The following MAPKBP1 variants were observed in gnomAD, a reference collection of about 807,000 sequenced individuals.
MAPKBP1 encodes the protein mitogen-activated protein kinase binding protein 1.
In MAPKBP1, 71 loss-of-function variants were observed where a neutral mutation model predicts 170.5. The observed-to-expected ratio is 0.42, with a 90% confidence interval of 0.34 to 0.51. MAPKBP1 has a LOEUF of 0.51. Among genes scored for constraint, MAPKBP1 ranks in the 20% least tolerant of loss-of-function variants. The probability of loss-of-function intolerance (pLI) is 0.06; values close to 1 mark genes in which losing one functional copy is unlikely to be tolerated. For synonymous variants in MAPKBP1, 719 were observed against 757.9 expected (o/e 0.95, Z 0.84); for missense variants, 1,598 against 1,933.0 (o/e 0.83, Z 3.25).
Position 41,819,771 on chromosome 15 carries a change from G to A in MAPKBP1, c.2481+121G>A, listed in dbSNP as rs561912601. ...TGGGGTCTGCCCACATGCTGCACTC[G>A]TGTGTCCAAGGAAGGCCTTGTCGGG... On this transcript the variant is annotated intron_variant, in intron 22 of 30. Transcript: ENST00000457542. 36 of 1,026,516 alleles carry A rather than the reference G, an allele frequency of 3.5e-5. No homozygotes were observed. The South Asian group carries it at 4.3e-4, about 12-fold the overall frequency. The allele number at this position is 1,026,516 out of a possible 1,614,324, so 63.6% of individuals were successfully genotyped here.
Position 41,812,646 on chromosome 15 carries a change from C to T in MAPKBP1, c.629C>T (p.Thr210Ile), listed in dbSNP as rs200340654. ...IKFWYLDDSK[T>I]SKVNATVPLL... ...TTCTGGTATCTCGATGACAGCAAGA[C>T]CTCAAAGGTGAGGTGCTGAAGCTGG... The change falls in exon 7 of 31, where the codon ACC (threonine) becomes ATC (isoleucine). Residue 210 changes from threonine to isoleucine, a missense_variant. Around this residue, in one of 6 missense-constraint regions of MAPKBP1, gnomAD observed 430 missense variants for 617.2 expected, o/e 0.70. Coordinates refer to ENST00000457542, the MANE Select transcript of MAPKBP1 (RefSeq NM_014994.3). 1.2e-6 allele frequency: 2 copies of T among 1,601,558 alleles called. No individual in the cohort carries two copies. The highest frequency in any genetic ancestry group is 1.7e-6 in the Non-Finnish European group (2 of 1,172,598).
At chr15:41,811,581 C>T (rs948780576) in intron 5 of MAPKBP1, 11 of 614,578 alleles carry the variant, frequency 1.8e-5, no homozygotes, top group Admixed American at 8.5e-5. Context: ...TCCTTACCCC[C>T]GGGGGCCCCC....
chr15:41,817,939 G>GC lies in MAPKBP1; in HGVS notation c.1905-69dup, dbSNP rs2064921345. ...GAGTGTAGACTGGGAGTGAAAGCTG[G>GC]CATTTCCATCCCCCAGGCGTGTTCC... is the stretch of plus-strand genomic sequence containing the variant. On this transcript the variant is annotated intron_variant, in intron 16 of 30. Coordinates refer to ENST00000457542, the MANE Select transcript of MAPKBP1 (RefSeq NM_014994.3). This position sits in a 1 kb window ranked among gnomAD's most constrained non-coding sequence, Gnocchi z 4.2. The GC allele has an allele frequency of 6.5e-7, 1 of 1,549,892 alleles. No homozygotes were observed. Among genetic ancestry groups the GC allele is most frequent in the Non-Finnish European group, 8.9e-7 (1 of 1,122,580 alleles).
rs773147262 is a variant in MAPKBP1 at position 41,823,701 on chromosome 15, C to T, written c.3853C>T (p.Pro1285Ser). 4 of 1,614,200 alleles carry T rather than the reference C, an allele frequency of 2.5e-6. No individual in the cohort carries two copies. In the South Asian group the frequency reaches 4.4e-5, roughly 18 times the overall value. Residue 1285 changes from proline (P) to serine (S), a missense_variant, in exon 29 of 31, where the codon CCC becomes TCC. Physicochemically the swap from Pro to Ser is moderately conservative, Grantham distance 74. Transcript: ENST00000457542. ...RVSPLSKLAL[P>S]SRAHLVLDIP... ...CTCACCACTCAGCAAGCTGGCCCTG[C>T]CCAGCCGGGCTCACCTGGTCCTGGA... is the stretch of plus-strand genomic sequence containing the variant.
At chr15:41,801,085 A>G (rs2064585041) in intron 3 of MAPKBP1, among the ~76,000 whole-genome samples, 1 of 152,216 alleles carries the variant, frequency 6.6e-6, no homozygotes, top group Non-Finnish European at 1.5e-5. Context: ...TCGCTACCTT[A>G]TTCCTTTTTG....
chr15:41,808,405 C>T (rs904763059), intron 3 of MAPKBP1, among the ~76,000 whole-genome samples: 1 of 151,564 alleles, frequency 6.6e-6, no homozygotes, highest in African/African-American at 2.4e-5. Flanking sequence ...ACTCCCGGCT[C>T]TGTTATAATT....
chr15:41,786,980 C>A (rs1294520052), intron 2 of MAPKBP1, among the ~76,000 whole-genome samples: 1 of 150,638 alleles, frequency 6.6e-6, no homozygotes, highest in Non-Finnish European at 1.5e-5. Context: ...CTCAGTACAA[C>A]CTCTGCCTCC....
In MAPKBP1 at chr15:41,825,382, A is replaced by G. The variant is rs1052866901; in HGVS notation, c.4473A>G (p.Gln1491=). Residue 1491 remains glutamine, a synonymous_variant, in exon 31 of 31, where the codon CAA becomes CAG. Transcript: ENST00000457542. ...GAEQTQALLE[Q]YSELLLRAVE... The stretch of plus-strand genomic sequence containing the variant: ...AGCAGACACAGGCCCTGCTGGAGCA[A>G]TACTCAGAACTGTTGCTTCGAGCCG... 2 of 1,613,544 alleles carry G rather than the reference A, an allele frequency of 1.2e-6. No homozygotes were observed. The highest frequency in any genetic ancestry group is 2.2e-5 in the South Asian group (2 of 91,088).
Position 41,820,999 on chromosome 15 carries a change from G to T in MAPKBP1, c.2649G>T (p.Ser883=). The T allele has an allele frequency of 3.7e-6, 6 of 1,614,166 alleles. No homozygotes were observed. Among genetic ancestry groups the T allele is most frequent in the Non-Finnish European group, 5.1e-6 (6 of 1,180,018 alleles). The change falls in exon 23 of 31, where the codon TCG becomes TCT. Residue 883 remains serine, a synonymous_variant. Transcript: ENST00000457542. ...GCCTGCAGGACCCTAGCCAGGACTC[G>T]CTGGCCATCATCCCATCTGGTCCCA... The part of the protein sequence containing the change: ...APSLQDPSQD[S]LAIIPSGPRK...
chr15:41,786,783 T>TATATATATATATA (rs2064304706), intron 2 of MAPKBP1, among the ~76,000 whole-genome samples: 1 of 61,762 alleles, frequency 1.6e-5, no homozygotes, highest in Non-Finnish European at 3.2e-5. Flanking sequence ...AAAAAATATA[T>TATATATATATATA]ATATATATAT....
chr15:41,793,730 C>T (rs2064435428), intron 2 of MAPKBP1, among the ~76,000 whole-genome samples: 1 of 152,166 alleles, frequency 6.6e-6, no homozygotes, highest in Non-Finnish European at 1.5e-5. Context: ...AAAAATCCCC[C>T]TGGCTTAAGC....
Position 41,812,981 on chromosome 15 carries a change from A to T in MAPKBP1, c.699A>T (p.Leu233=). 1.2e-6 allele frequency: 2 copies of T among 1,613,904 alleles called. No homozygotes were observed. Among genetic ancestry groups the T allele is most frequent in the South Asian group, 1.1e-5 (1 of 91,048 alleles). The change falls in exon 8 of 31, where the codon CTA becomes CTT. Residue 233 remains leucine (L), a synonymous_variant. Transcript: ENST00000457542. Reference sequence around the variant, plus strand: ...TGCTGGGAGAGCTACGGAACAACCTATTCACTGATGTGGCCTGTGGCAGAG... The same window carrying T: ...TGCTGGGAGAGCTACGGAACAACCTTTTCACTGATGTGGCCTGTGGCAGAG... ...SGLLGELRNN[L]FTDVACGRGK... is the part of the protein sequence containing the mutation.
In MAPKBP1 at chr15:41,803,413, CAAAA is replaced by C. The variant is rs1166671811; in HGVS notation, c.206+3518_206+3521del. ...TGAGCGGCTGAGCAAGACTCCATCT[CAAAA>C]AAAAAAAAAAAAAAAAAAGGTTAAG... On this transcript the variant is annotated intron_variant, in intron 3 of 30. Transcript: ENST00000457542. 1.2e-3 allele frequency among the ~76,000 whole-genome samples: 14 copies of C among 11,274 alleles called. 2 individuals are homozygous for C. The highest frequency in any genetic ancestry group is 0.03 in the East Asian group (2 of 66). The allele number at this position is 11,274 out of a possible 152,430, so 7.4% of individuals were successfully genotyped here.
At chr15:41,786,816 C>CT (rs370413261) in intron 2 of MAPKBP1, among the ~76,000 whole-genome samples, 1,441 of 94,692 alleles carry the variant, frequency 0.015, 46 homozygotes, top group African/African-American at 0.059. Context: ...GTATAATAAG[C>CT]TTTTTTTGTT....
chr15:41,786,553 A>G (rs2064292159), intron 2 of MAPKBP1, among the ~76,000 whole-genome samples: 2 of 151,576 alleles, frequency 1.3e-5, no homozygotes, highest in Admixed American at 1.3e-4. Context: ...TCACAAGGTC[A>G]GGAGATAGAG....
chr15:41,788,003 G>T (rs2064329331), intron 2 of MAPKBP1, among the ~76,000 whole-genome samples: 1 of 151,924 alleles, frequency 6.6e-6, no homozygotes, highest in South Asian at 2.1e-4. Context: ...TGTTGCCCAG[G>T]CTGGAGTGCA....
chr15:41,792,579 T>G (rs1328788183), intron 2 of MAPKBP1, among the ~76,000 whole-genome samples: 2 of 152,222 alleles, frequency 1.3e-5, no homozygotes, highest in Non-Finnish European at 2.9e-5. Flanking sequence ...CTTCTGAGTT[T>G]CCACTTGTGC....
At chr15:41,801,400 A>G (rs2064591493) in intron 3 of MAPKBP1, among the ~76,000 whole-genome samples, 1 of 152,184 alleles carries the variant, frequency 6.6e-6, no homozygotes, top group Non-Finnish European at 1.5e-5. Flanking sequence ...AGGCACAGGA[A>G]TGTGAAAATG....
chr15:41,814,517 G>A, intron 9 of MAPKBP1, 33 bp from the exon 10 acceptor site: 1 of 1,603,110 alleles, frequency 6.2e-7, no homozygotes, highest in Non-Finnish European at 8.5e-7. Context: ...ATTCCCTTCA[G>A]TCTGACCAGT....
Sources: allele counts gnomAD v4.1 joint callset (sites outside exome capture counted in the v4.1 genomes callset), GRCh38; gene constraint gnomAD v4.1.1; regional missense constraint gnomAD v4.1.1; non-coding constraint Gnocchi (gnomAD v3.1); transcripts MANE v1.5; gene names NCBI Gene and HGNC (gene_info 2026-07-23, HGNC 2026-07-21).